Variants in HTR3B observed in about 807,000 individuals in gnomAD.
The protein encoded by HTR3B is 5-hydroxytryptamine (serotonin) receptor 3B, ionotropic.
A neutral mutation model predicts 42.8 loss-of-function variants in HTR3B; 44 were observed. The ratio of observed to expected loss-of-function variants is 1.03; its 90% CI spans 0.81 to 1.32. The LOEUF is 1.32. Ranked by LOEUF, HTR3B falls within the 40% of genes most tolerant of loss-of-function variation. HTR3B has a pLI of 0.00. For synonymous variants in HTR3B, 203 were observed against 209.0 expected, an observed-to-expected ratio of 0.97 and a Z score of 0.25; for missense variants, 527 against 536.5, an observed-to-expected ratio of 0.98 and a Z score of 0.17.
intron 7 of HTR3B, among the ~76,000 whole-genome samples, chr11:113,944,110 C>A (rs1353596566): frequency 6.6e-6 from 1 of 151,540 alleles, no homozygotes; most frequent in Non-Finnish European, 1.5e-5. Flanking sequence ...ACCTCCGCCT[C>A]CTGGGTTCAA....
rs1240341434 is a variant in HTR3B at position 113,948,451 on chromosome 11, G to A, written c.*2314G>A. Among the ~76,000 whole-genome samples, 1 of 152,236 alleles carries A rather than the reference G, an allele frequency of 6.6e-6. No individual in the cohort carries two copies. Among genetic ancestry groups the A allele is most frequent in the East Asian group, 1.9e-4 (1 of 5,200 alleles). On this transcript the variant is annotated 3_prime_UTR_variant, in exon 9 of 9. Coordinates refer to ENST00000260191, the MANE Select transcript of HTR3B (RefSeq NM_006028.5). Reference sequence around the variant, plus strand: ...GCCATTACCTAGCCAGGGGACCTCTGTGAGCTTAACTTCTCAGACTTCAAC... The same window carrying A: ...GCCATTACCTAGCCAGGGGACCTCTATGAGCTTAACTTCTCAGACTTCAAC...
chr11:113,910,107 A>T (rs1949773839), intron 2 of HTR3B, among the ~76,000 whole-genome samples: 1 of 152,148 alleles, frequency 6.6e-6, no homozygotes, highest in Non-Finnish European at 1.5e-5. Flanking sequence ...TATTATGATA[A>T]TAACAGATTT....
At chr11:113,907,372 A>G (rs1442776094) in intron 1 of HTR3B, among the ~76,000 whole-genome samples, 1 of 152,210 alleles carries the variant, frequency 6.6e-6, no homozygotes, top group Non-Finnish European at 1.5e-5. Context: ...CTGTTAATTA[A>G]TGGTCACTTA....
intron 6 of HTR3B, among the ~76,000 whole-genome samples, chr11:113,936,031 G>A (rs1444758906): frequency 6.6e-6 from 1 of 152,062 alleles, no homozygotes; most frequent in African/African-American, 2.4e-5. Flanking sequence ...CATTCCACAG[G>A]GGGCCCAGAG....
rs377104928 is a variant in HTR3B, at chr11:113,928,561, G to A, written c.214-2823G>A. ...TTGCTTCCTTCCTTTTTTTTGAGAC[G>A]GAGTATCATTCTGTTGCCCAGGCTG... On this transcript the variant is annotated intron_variant, in intron 2 of 8. Transcript: ENST00000260191. Among the ~76,000 whole-genome samples the A allele has an allele frequency of 1.1e-4, 16 of 151,840 alleles. No homozygotes were observed. In the South Asian group the frequency reaches 1.7e-3, roughly 16 times the overall value.
At chr11:113,900,226 C>G (rs1467051437), upstream of HTR3B, among the ~76,000 whole-genome samples, 1 of 152,062 alleles carries the variant, frequency 6.6e-6, no homozygotes, top group Non-Finnish European at 1.5e-5. Flanking sequence ...CCACTGCACT[C>G]CAGCCTGGAA....
At chr11:113,940,372 A>G (rs1379191605) in intron 6 of HTR3B, among the ~76,000 whole-genome samples, 1 of 152,184 alleles carries the variant, frequency 6.6e-6, no homozygotes, top group Non-Finnish European at 1.5e-5. Flanking sequence ...TAGATCACCA[A>G]TAGCCCAGAA....
chr11:113,916,531 G>A (rs560245878), intron 2 of HTR3B, among the ~76,000 whole-genome samples: 33 of 152,070 alleles, frequency 2.2e-4, no homozygotes, highest in East Asian at 7.7e-4. Flanking sequence ...AACTTTTCTA[G>A]GTTGTTTGCA....
chr11:113,933,749 G>C (rs541170803), intron 6 of HTR3B, among the ~76,000 whole-genome samples: 7 of 152,162 alleles, frequency 4.6e-5, no homozygotes, highest in Non-Finnish European at 1.0e-4. Flanking sequence ...AGTGAAGCCC[G>C]CTGATTTGTA....
intron 2 of HTR3B, among the ~76,000 whole-genome samples, chr11:113,916,309 T>C (rs1391229306): frequency 6.6e-6 from 1 of 152,238 alleles, no homozygotes; most frequent in Non-Finnish European, 1.5e-5. Flanking sequence ...TTTTATTTAA[T>C]TTTAAAGTTG....
chr11:113,926,730 T>C (rs1311899597), intron 2 of HTR3B, among the ~76,000 whole-genome samples: 2 of 152,096 alleles, frequency 1.3e-5, no homozygotes, highest in Non-Finnish European at 2.9e-5. Flanking sequence ...GGTTTCACCA[T>C]GTTGGCCAGC....
rs191847213 is a variant in HTR3B at position 113,948,414 on chromosome 11, G to C, written c.*2277G>C. On this transcript the variant is annotated 3_prime_UTR_variant, in exon 9 of 9. Transcript: ENST00000260191. ...CAGAGTCAGGAGTCCTGATGATTAC[G>C]GTCCTGGCTCTGCCATTACCTAGCC... 9.1e-4 allele frequency among the ~76,000 whole-genome samples: 138 copies of C among 152,294 alleles called. 2 individuals are homozygous for C. The East Asian group carries it at 0.024, about 26-fold the overall frequency.
At chr11:113,925,510 G>A (rs1378715048) in intron 2 of HTR3B, among the ~76,000 whole-genome samples, 5 of 132,518 alleles carry the variant, frequency 3.8e-5, no homozygotes, top group South Asian at 2.6e-4. Context: ...TGCAACCTCC[G>A]CCTCCTGGGT....
intron 1 of HTR3B, among the ~76,000 whole-genome samples, chr11:113,908,147 A>G (rs1032518854): frequency 6.6e-6 from 1 of 152,206 alleles, no homozygotes; most frequent in African/African-American, 2.4e-5. Context: ...TGCACTGCCC[A>G]CAAGGAGTCT....
intron 1 of HTR3B, among the ~76,000 whole-genome samples, chr11:113,906,325 A>C (rs1280009005): frequency 1.3e-5 from 2 of 152,186 alleles, no homozygotes; most frequent in African/African-American, 4.8e-5. Context: ...GTGTGCTGGT[A>C]TAGAAGGAGG....
intron 2 of HTR3B, among the ~76,000 whole-genome samples, chr11:113,926,468 T>TTTTCCTTTCC (rs59706001): frequency 0.055 from 4,416 of 80,176 alleles, 382 homozygotes; most frequent in East Asian, 0.11. Context: ...CTTTCCTTTC[T>TTTTCCTTTCC]TTTCCTTTCC....
At chr11:113,932,561 T>C in intron 5 of HTR3B, 103 bp downstream of exon 5, 1 of 1,069,238 alleles carries the variant, frequency 9.4e-7, no homozygotes, top group East Asian at 2.4e-5. Flanking sequence ...TAATTGGCTA[T>C]TTAAAAATTG....
At chr11:113,928,214 C>A (rs1409884650) in intron 2 of HTR3B, among the ~76,000 whole-genome samples, 1 of 152,184 alleles carries the variant, frequency 6.6e-6, no homozygotes, top group African/African-American at 2.4e-5. Flanking sequence ...GACATGATCT[C>A]ATTCTTTTTT....
upstream of HTR3B, among the ~76,000 whole-genome samples, chr11:113,902,560 G>T (rs973564373): frequency 6.6e-6 from 1 of 152,218 alleles, no homozygotes. Flanking sequence ...GTCTCCTAAA[G>T]TGCTGGGATT....
Sources: gnomAD v4.1 joint callset for allele counts (sites outside exome capture counted in the v4.1 genomes callset) on GRCh38, gnomAD v4.1.1 for gene constraint, MANE v1.5 for transcripts, NCBI Gene and HGNC (gene_info 2026-07-23, HGNC 2026-07-21) for gene names.